The following STK33 variants were observed in gnomAD, a reference collection of about 807,000 sequenced individuals.
STK33 encodes serine/threonine kinase 33, also known as serine/threonine-protein kinase 33.
In STK33, 52 loss-of-function variants were observed where a neutral mutation model predicts 58.0. The observed-to-expected ratio is 0.90, with a 90% CI of 0.72 to 1.13. The LOEUF (loss-of-function observed/expected upper bound fraction) is 1.13, where lower values mean the gene tolerates loss of function less well. Ranked by LOEUF, STK33 falls within the 50% of genes most tolerant of loss-of-function variation. The probability of loss-of-function intolerance (pLI) is 0.00; values close to 1 mark genes in which losing one functional copy is unlikely to be tolerated. For missense variants in STK33, 630 were observed against 604.2 expected (o/e 1.04, Z -0.45); for synonymous variants, 215 against 200.1 (o/e 1.07, Z -0.63).
chr11:8,582,145 T>C (rs925936269), intron 1 of STK33, among the ~76,000 whole-genome samples: 15 of 152,240 alleles, frequency 9.9e-5, no homozygotes, highest in Non-Finnish European at 2.2e-4. Flanking sequence ...ATAAAAGCTC[T>C]TTGTTGGCTC....
intron 14 of STK33, among the ~76,000 whole-genome samples, chr11:8,420,162 GAAA>G (rs1941708538): frequency 6.6e-6 from 1 of 152,010 alleles, no homozygotes; most frequent in African/African-American, 2.4e-5. Context: ...ATTATAGTAA[GAAA>G]AGACATGATG....
intron 4 of STK33, chr11:8,475,788 T>C (rs1281597304): frequency 6.6e-6 from 1 of 152,100 alleles, no homozygotes; most frequent in Non-Finnish European, 1.5e-5. Flanking sequence ...TATAAAGGAG[T>C]ACTTTGAGAA....
rs1848690869 is a variant in STK33 at position 8,392,407 on chromosome 11, G to T, written c.*103C>A. 7.5e-7 allele frequency: 1 copy of T among 1,338,254 alleles called. No homozygotes were observed. Among genetic ancestry groups the T allele is most frequent in the East Asian group, 2.3e-5 (1 of 43,510 alleles). The allele number at this position is 1,338,254 out of a possible 1,614,324, so 82.9% of individuals were successfully genotyped here. ...TGGCGGGGCTCTGTGGAGCTAAAAGGCTACAAGCTCAGCATAGGGCTGTCT... is the reference window on the plus strand; with the variant it reads ...TGGCGGGGCTCTGTGGAGCTAAAAGTCTACAAGCTCAGCATAGGGCTGTCT... On this transcript the variant is annotated 3_prime_UTR_variant, in exon 16 of 16. Transcript: ENST00000687296.
At chr11:8,427,924 A>G (rs928458172) in intron 14 of STK33, among the ~76,000 whole-genome samples, 1 of 152,224 alleles carries the variant, frequency 6.6e-6, no homozygotes, top group African/African-American at 2.4e-5. Context: ...CTTGGCCCCT[A>G]AGCTCCTGTT....
intron 1 of STK33, among the ~76,000 whole-genome samples, chr11:8,563,099 C>T (rs1957224170): frequency 1.3e-5 from 2 of 152,096 alleles, no homozygotes; most frequent in East Asian, 3.9e-4. Context: ...ACTTAAGTCG[C>T]CTCCCATAGT....
intron 1 of STK33, among the ~76,000 whole-genome samples, chr11:8,564,168 A>C (rs1957298951): frequency 6.6e-6 from 1 of 152,232 alleles, no homozygotes. Flanking sequence ...CCAGCTGGAA[A>C]GCTATCTGAA....
At chr11:8,342,943 A>G in the STK33 span, among the ~76,000 whole-genome samples, 1 of 152,248 alleles carries the variant, frequency 6.6e-6, no homozygotes, top group Non-Finnish European at 1.5e-5. Context: ...AGGCAGGGGC[A>G]TAAGCTGGCT....
chr11:8,468,983 A>G (rs560949306), intron 6 of STK33, among the ~76,000 whole-genome samples: 2 of 152,224 alleles, frequency 1.3e-5, no homozygotes, highest in African/African-American at 2.4e-5. Flanking sequence ...GCGAACAAAC[A>G]TAACAATGCA....
chr11:8,345,102 T>C, the STK33 span, among the ~76,000 whole-genome samples: 57,926 of 151,914 alleles, frequency 0.38, 11,365 homozygotes, highest in African/African-American at 0.48. Context: ...GCACCTTCCC[T>C]CTATGCTTGG....
intron 12 of STK33, among the ~76,000 whole-genome samples, chr11:8,436,811 C>T (rs1003906985): frequency 6.6e-6 from 1 of 152,186 alleles, no homozygotes; most frequent in East Asian, 1.9e-4. Context: ...CATTTTCCTG[C>T]CTCAGCCTCC....
intron 1 of STK33, among the ~76,000 whole-genome samples, chr11:8,553,198 G>GGTGTATATATATATATATATATATATGGT (rs1956460686): frequency 1.3e-4 from 7 of 54,970 alleles, no homozygotes; most frequent in East Asian, 1.1e-3. Context: ...ATATATATAT[G>GGTGTATATATATATATATATATATATGGT]GTGTATATAT....
At chr11:8,511,567 G>A (rs1952327529) in intron 1 of STK33, among the ~76,000 whole-genome samples, 1 of 152,124 alleles carries the variant, frequency 6.6e-6, no homozygotes, top group African/African-American at 2.4e-5. Context: ...ATTCTCAAGG[G>A]AAATGCTTTC....
At chr11:8,437,122 G>C (rs1944170245) in intron 12 of STK33, among the ~76,000 whole-genome samples, 1 of 152,192 alleles carries the variant, frequency 6.6e-6, no homozygotes, top group Non-Finnish European at 1.5e-5. Flanking sequence ...ACAATAATTT[G>C]ACCCTTTGGC....
chr11:8,457,552 A>G (rs2137120062), intron 8 of STK33, 73 bp from the exon 9 acceptor site: 1 of 1,234,774 alleles, frequency 8.1e-7, no homozygotes, highest in East Asian at 2.4e-5. Context: ...TATATATCAC[A>G]TATACAATCA....
intron 1 of STK33, among the ~76,000 whole-genome samples, chr11:8,571,026 A>T (rs987658219): frequency 2.0e-5 from 3 of 152,200 alleles, no homozygotes; most frequent in African/African-American, 7.2e-5. Context: ...CCATCACACA[A>T]GACACAGCAC....
At chr11:8,356,544 CG>C in the STK33 span, among the ~76,000 whole-genome samples, 4 of 144,286 alleles carry the variant, frequency 2.8e-5, no homozygotes, top group Non-Finnish European at 6.1e-5. Context: ...GTGGTGGGGG[CG>C]TGGGGGGACC....
chr11:8,337,661 C>T, the STK33 span, among the ~76,000 whole-genome samples: 7 of 151,908 alleles, frequency 4.6e-5, no homozygotes, highest in South Asian at 1.5e-3. Flanking sequence ...GGGGGCCCTG[C>T]CCTCAGCCTG....
chr11:8,395,284 C>T (rs7950961), intron 15 of STK33, among the ~76,000 whole-genome samples: 29,252 of 152,100 alleles, frequency 0.19, 3,183 homozygotes, highest in African/African-American at 0.29. Context: ...GTTCTCATGA[C>T]AATGAATAAG....
At chr11:8,508,378 A>AG (rs1952038040) in intron 1 of STK33, among the ~76,000 whole-genome samples, 1 of 150,562 alleles carries the variant, frequency 6.6e-6, no homozygotes, top group Non-Finnish European at 1.5e-5. Context: ...AAGTGATCCA[A>AG]CTACCTGAGC....
Sources: allele counts gnomAD v4.1 joint callset (sites outside exome capture counted in the v4.1 genomes callset), GRCh38; gene constraint gnomAD v4.1.1; transcripts MANE v1.5; gene names NCBI Gene and HGNC (gene_info 2026-07-23, HGNC 2026-07-21).